OR2T6: variants seen among roughly 807,000 people sequenced by gnomAD.
OR2T6 encodes the protein olfactory receptor 2T6.
For synonymous variants in OR2T6, 174 were observed against 148.0 expected (o/e 1.18, Z -1.27); for missense variants, 424 against 391.6 (o/e 1.08, Z -0.70).
chr1:248,382,491 T>C (rs76827712), intron 1 of OR2T6, among the ~76,000 whole-genome samples: 3,707 of 151,938 alleles, frequency 0.024, 81 homozygotes, highest in Non-Finnish European at 0.034. Flanking sequence ...TTATTTATAT[T>C]TTGCTTTTGT....
rs374930880 is a variant in OR2T6 at position 248,383,950 on chromosome 1, C to T, written c.-158-761C>T. 6.5e-3 allele frequency among the ~76,000 whole-genome samples: 325 copies of T among 50,058 alleles called. 8 individuals carry two copies. The highest frequency in any genetic ancestry group is 0.054 in the African/African-American group (298 of 5,510). 32.8% of individuals were successfully genotyped at this position (50,058 alleles called of 152,430 possible). ...TTATTGTCATGGGTAAAGCACTGCA[C>T]TAGCCTGAGTGTGCTCATCCTATCC... On this transcript the variant is annotated intron_variant, in intron 1 of 2. Coordinates refer to ENST00000641644, the MANE Select transcript of OR2T6 (RefSeq NM_001005471.2).
At chr1:248,383,378 G>A (rs747141461) in intron 1 of OR2T6, among the ~76,000 whole-genome samples, 224 of 7,716 alleles carry the variant, frequency 0.029, 3 homozygotes, top group African/African-American at 0.045. Context: ...GTGTTTCCTA[G>A]TGTTATCGTC....
intron 1 of OR2T6, among the ~76,000 whole-genome samples, chr1:248,383,095 T>A (rs28680476): frequency 0.56 from 39,606 of 71,340 alleles, 10,669 homozygotes; most frequent in South Asian, 0.65. Flanking sequence ...CCTATCCTAA[T>A]GTGTTTCCTA....
At position 248,387,789 on chromosome 1, in the gene OR2T6, TTCC is replaced by T; in HGVS notation, c.187_189del (p.Leu63del). On this transcript the variant is annotated inframe_deletion, in exon 3 of 3. Coordinates refer to ENST00000641644, the MANE Select transcript of OR2T6 (RefSeq NM_001005471.2). ...CCCTCATCTCCACACCCCCATGTAC[TTCC>T]TCCTCAGCCACCTCTCCGTCATTGA... The T allele has an allele frequency of 6.2e-7, 1 of 1,611,028 alleles. No homozygotes were observed. Among genetic ancestry groups the T allele is most frequent in the Non-Finnish European group, 8.5e-7 (1 of 1,177,500 alleles).
At position 248,389,626 on chromosome 1, in the gene OR2T6, A is replaced by G. The variant is rs1290598154; in HGVS notation, c.*1091A>G. 2.0e-5 allele frequency: 3 copies of G among 152,238 alleles called. No homozygotes were observed. Among genetic ancestry groups the G allele is most frequent in the Non-Finnish European group, 4.4e-5 (3 of 68,044 alleles). 9.4% of individuals were successfully genotyped at this position (152,238 alleles called of 1,614,324 possible). A position where few individuals can be genotyped will look rare whatever the true frequency, so the allele number is the denominator to read the frequency against. ...AATCACAAAAGCCACCATGAGCTAC[A>G]TAGAGTTCCCAAGGGGGCAACTCTC... On this transcript the variant is annotated 3_prime_UTR_variant, in exon 3 of 3. Transcript: ENST00000641644.
chr1:248,388,148 G>A lies in OR2T6; in HGVS notation c.540G>A (p.Glu180=), dbSNP rs377698926. Residue 180 remains glutamate (E), a synonymous_variant, in exon 3 of 3, where the codon GAG becomes GAA. Coordinates refer to ENST00000641644, the MANE Select transcript of OR2T6 (RefSeq NM_001005471.2). ...ASHQINHFFC[E]APTMLRLACG... is the part of the protein sequence containing the mutation. ...ACCAAATCAATCACTTTTTCTGTGA[G>A]GCACCCACCATGCTGAGGCTGGCCT... 1 of 1,613,762 alleles carries A rather than the reference G, an allele frequency of 6.2e-7. No individual in the cohort carries two copies. Among genetic ancestry groups the A allele is most frequent in the Non-Finnish European group, 8.5e-7 (1 of 1,179,976 alleles).
intron 1 of OR2T6, among the ~76,000 whole-genome samples, chr1:248,377,586 T>C (rs1165277114): frequency 6.6e-6 from 1 of 152,252 alleles, no homozygotes; most frequent in African/African-American, 2.4e-5. Context: ...GGCTCGCCCC[T>C]GTCAGAGCGC....
chr1:248,386,522 T>C (rs571740079), intron 2 of OR2T6, among the ~76,000 whole-genome samples: 2 of 152,122 alleles, frequency 1.3e-5, no homozygotes, highest in African/African-American at 2.4e-5. Flanking sequence ...ACCAAAGAGA[T>C]AAAAAGAAAA....
At position 248,387,977 on chromosome 1, in the gene OR2T6, C is replaced by T. The variant is rs763656355; in HGVS notation, c.369C>T (p.Tyr123=). 21 of 1,609,534 alleles carry T rather than the reference C, an allele frequency of 1.3e-5. No individual in the cohort carries two copies. The highest frequency in any genetic ancestry group is 1.7e-4 in the Middle Eastern group (1 of 6,052). Residue 123 remains tyrosine, a synonymous_variant, in exon 3 of 3, where the codon TAC becomes TAT. Coordinates refer to ENST00000641644, the MANE Select transcript of OR2T6 (RefSeq NM_001005471.2). The part of the protein sequence containing the change: ...FLLGLMAYDR[Y]VAICNPLRYP... ...TGGGGCTCATGGCCTATGACCGCTA[C>T]GTGGCCATCTGCAACCCACTGCGCT...
chr1:248,377,956 C>T (rs1322719252), intron 1 of OR2T6, among the ~76,000 whole-genome samples: 3 of 152,130 alleles, frequency 2.0e-5, no homozygotes, highest in African/African-American at 7.2e-5. Context: ...TATATCTTTA[C>T]ATGAAAAGAC....
chr1:248,378,150 T>A (rs1660969241), intron 1 of OR2T6, among the ~76,000 whole-genome samples: 1 of 152,184 alleles, frequency 6.6e-6, no homozygotes, highest in African/African-American at 2.4e-5. Flanking sequence ...AATAAACTGA[T>A]GAAAATGGCT....
At chr1:248,377,571 C>A (rs1187160279) in intron 1 of OR2T6, among the ~76,000 whole-genome samples, 2 of 152,216 alleles carry the variant, frequency 1.3e-5, no homozygotes, top group Non-Finnish European at 2.9e-5. Flanking sequence ...GCAAGGGCAG[C>A]ATGGGGCTCG....
intron 1 of OR2T6, among the ~76,000 whole-genome samples, chr1:248,382,447 C>G (rs1343717043): frequency 6.6e-6 from 1 of 151,814 alleles, no homozygotes; most frequent in African/African-American, 2.4e-5. Flanking sequence ...ATAATTCTCT[C>G]CTATTTGTGA....
At chr1:248,381,909 C>T (rs545056349) in intron 1 of OR2T6, among the ~76,000 whole-genome samples, 2 of 152,194 alleles carry the variant, frequency 1.3e-5, no homozygotes, top group Non-Finnish European at 2.9e-5. Context: ...ACATTACTCT[C>T]AACTAAAATG....
intron 2 of OR2T6, among the ~76,000 whole-genome samples, chr1:248,385,226 G>A (rs578197243): frequency 8.5e-5 from 13 of 152,266 alleles, no homozygotes; most frequent in South Asian, 2.1e-4. Flanking sequence ...GGCCAAAACC[G>A]AAGAGGCTTT....
Position 248,388,243 on chromosome 1 carries a change from CGGT to C in OR2T6, c.640_642del (p.Val214del). On this transcript the variant is annotated inframe_deletion, in exon 3 of 3. Coordinates refer to ENST00000641644, the MANE Select transcript of OR2T6 (RefSeq NM_001005471.2). ...GTTGCAATGCTGCTGATCCCCTTCTCGGTGGTGACTGCATCCTACACCAGGATT... is the reference window on the plus strand; with the variant it reads ...GTTGCAATGCTGCTGATCCCCTTCTCGGTGACTGCATCCTACACCAGGATT... 1 of 1,614,048 alleles carries C rather than the reference CGGT, an allele frequency of 6.2e-7. No homozygotes were observed. The highest frequency in any genetic ancestry group is 8.5e-7 in the Non-Finnish European group (1 of 1,180,010).
chr1:248,378,864 T>A (rs1660984288), intron 1 of OR2T6, among the ~76,000 whole-genome samples: 1 of 152,202 alleles, frequency 6.6e-6, no homozygotes, highest in African/African-American at 2.4e-5. Context: ...ACCATTTTTA[T>A]TGTTATTATA....
intron 1 of OR2T6, among the ~76,000 whole-genome samples, chr1:248,383,062 T>C (rs1220208005): frequency 6.7e-6 from 1 of 150,054 alleles, no homozygotes; most frequent in Non-Finnish European, 1.5e-5. Flanking sequence ...GAGAAAGCAC[T>C]GCACTAGCCT....
At position 248,389,170 on chromosome 1, in the gene OR2T6, T is replaced by G. The variant is rs1661207467; in HGVS notation, c.*635T>G. 6.6e-6 allele frequency: 1 copy of G among 151,942 alleles called. No homozygotes were observed. Among genetic ancestry groups the G allele is most frequent in the Admixed American group, 6.6e-5 (1 of 15,224 alleles). 9.4% of individuals were successfully genotyped at this position (151,942 alleles called of 1,614,324 possible). A position where few individuals can be genotyped will look rare whatever the true frequency, so the allele number is the denominator to read the frequency against. ...GACTAAATCTTTATGGGGGAGGGAGTCTGTAATGTTAGTTTTTTAATATGG... is the reference window on the plus strand; with the variant it reads ...GACTAAATCTTTATGGGGGAGGGAGGCTGTAATGTTAGTTTTTTAATATGG... On this transcript the variant is annotated 3_prime_UTR_variant, in exon 3 of 3. Coordinates refer to ENST00000641644, the MANE Select transcript of OR2T6 (RefSeq NM_001005471.2).
Sources: allele counts gnomAD v4.1 joint callset (sites outside exome capture counted in the v4.1 genomes callset), GRCh38; gene constraint gnomAD v4.1.1; transcripts MANE v1.5; gene names NCBI Gene and HGNC (gene_info 2026-07-23, HGNC 2026-07-21).